PHF20: variants seen among roughly 807,000 people sequenced by gnomAD.
PHF20 encodes the protein glioma-expressed antigen 2.
PHF20 carries 23 observed loss-of-function variants against 113.5 expected under a neutral mutation model. That is an observed-to-expected ratio of 0.20 (90% CI 0.15 to 0.29). PHF20 has a LOEUF of 0.29. Ranked by LOEUF, PHF20 falls within the 10% of genes least tolerant of loss-of-function variation. PHF20 has a pLI of 1.00. For synonymous variants in PHF20, 434 were observed against 457.3 expected (o/e 0.95, Z 0.65); for missense variants, 943 against 1,219.6 (o/e 0.77, Z 3.38).
At chr20:35,891,189 G>A (rs937397178) in intron 9 of PHF20, among the ~76,000 whole-genome samples, 41 of 152,154 alleles carry the variant, frequency 2.7e-4, no homozygotes, top group Admixed American at 2.4e-3. Context: ...CCAGCCTGTC[G>A]TAAATGACGA....
At chr20:35,936,522 TCAG>T (rs2055867888) in intron 15 of PHF20, among the ~76,000 whole-genome samples, 1 of 152,228 alleles carries the variant, frequency 6.6e-6, no homozygotes, top group East Asian at 1.9e-4. Flanking sequence ...GGCACAGCTT[TCAG>T]TAGATGCTCA....
intron 4 of PHF20, among the ~76,000 whole-genome samples, chr20:35,852,887 G>A (rs554802130): frequency 2.9e-4 from 44 of 150,632 alleles, no homozygotes; most frequent in Admixed American, 2.5e-3. Context: ...GTGAGCCACC[G>A]TGCCCGACCT....
intron 17 of PHF20, among the ~76,000 whole-genome samples, chr20:35,943,937 T>C (rs1377438768): frequency 2.0e-5 from 3 of 150,474 alleles, no homozygotes; most frequent in African/African-American, 4.9e-5. Context: ...ACTTTAAAAC[T>C]AAAAGACAAA....
chr20:35,896,807 A>G (rs1268665942), intron 9 of PHF20, among the ~76,000 whole-genome samples: 1 of 151,756 alleles, frequency 6.6e-6, no homozygotes, highest in East Asian at 1.9e-4. Flanking sequence ...CTCAAAAAAA[A>G]AAAAAAAAAA....
At chr20:35,774,318 G>A (rs1014723540) in intron 1 of PHF20, among the ~76,000 whole-genome samples, 4 of 151,898 alleles carry the variant, frequency 2.6e-5, no homozygotes, top group African/African-American at 9.7e-5. Context: ...TGATCCACCC[G>A]CCTCCGCCTC....
At chr20:35,790,133 A>G (rs945536266) in intron 1 of PHF20, among the ~76,000 whole-genome samples, 2 of 151,804 alleles carry the variant, frequency 1.3e-5, no homozygotes, top group South Asian at 2.1e-4. Context: ...CTAGAATTAC[A>G]TGCATGAGCC....
At chr20:35,807,688 TG>T (rs2041909568) in intron 2 of PHF20, among the ~76,000 whole-genome samples, 2 of 152,194 alleles carry the variant, frequency 1.3e-5, no homozygotes, top group African/African-American at 4.8e-5. Flanking sequence ...CTTTGGTTAT[TG>T]CTGGCATGAA....
At chr20:35,816,699 G>A (rs909510278) in intron 2 of PHF20, among the ~76,000 whole-genome samples, 11 of 151,140 alleles carry the variant, frequency 7.3e-5, no homozygotes, top group African/African-American at 1.2e-4. Context: ...TGATTCGCCC[G>A]CCTCAGCCTC....
chr20:35,946,997 C>T (rs1040132309), intron 17 of PHF20, among the ~76,000 whole-genome samples: 15 of 152,172 alleles, frequency 9.9e-5, no homozygotes, highest in Admixed American at 4.6e-4. Flanking sequence ...CATGTGCCAC[C>T]GCGCCCGGCT....
chr20:35,827,707 C>T (rs548763226), intron 2 of PHF20, among the ~76,000 whole-genome samples: 43 of 149,306 alleles, frequency 2.9e-4, no homozygotes, highest in African/African-American at 9.6e-4. Flanking sequence ...GGTGTGAACC[C>T]GGGAGGCGGA....
In PHF20 at chr20:35,846,571, G is replaced by C. The variant is rs2042628384; in HGVS notation, c.256-779G>C. Among the ~76,000 whole-genome samples, 3 of 150,708 alleles carry C rather than the reference G, an allele frequency of 2.0e-5. No homozygotes were observed. In the South Asian group the frequency reaches 6.3e-4, roughly 32 times the overall value. On this transcript the variant is annotated intron_variant, in intron 3 of 17. Coordinates refer to ENST00000374012, the MANE Select transcript of PHF20 (RefSeq NM_016436.5). ...AAAAGACCCTTTAGAAGTGTAGATG[G>C]CATTAAATGCTGCTTCCCTGAGTAT...
chr20:35,772,522 T>C (rs2041082274), intron 1 of PHF20, among the ~76,000 whole-genome samples: 1 of 152,238 alleles, frequency 6.6e-6, no homozygotes, highest in Admixed American at 6.5e-5. Context: ...TTTATCCTAT[T>C]CTGGGGAGCA....
At chr20:35,935,434 G>A (rs564456401) in intron 15 of PHF20, among the ~76,000 whole-genome samples, 3 of 152,170 alleles carry the variant, frequency 2.0e-5, no homozygotes, top group Admixed American at 1.3e-4. Flanking sequence ...TGGTATGATC[G>A]CGGCTCACTA....
At chr20:35,873,071 T>A (rs887667544) in intron 9 of PHF20, among the ~76,000 whole-genome samples, 1 of 152,122 alleles carries the variant, frequency 6.6e-6, no homozygotes, top group African/African-American at 2.4e-5. Flanking sequence ...GCTTTGTGTA[T>A]TTTGAAGATC....
intron 2 of PHF20, among the ~76,000 whole-genome samples, chr20:35,841,372 C>T (rs573619507): frequency 8.2e-4 from 124 of 151,620 alleles, no homozygotes; most frequent in Admixed American, 1.1e-3. Flanking sequence ...CAAAATAAAA[C>T]GAAACAATAG....
At chr20:35,885,689 T>A (rs1288765952) in intron 9 of PHF20, among the ~76,000 whole-genome samples, 2 of 151,976 alleles carry the variant, frequency 1.3e-5, no homozygotes, top group African/African-American at 4.8e-5. Flanking sequence ...AGGAAGCACA[T>A]GAAAACCTGT....
At position 35,825,965 on chromosome 20, in the gene PHF20, A is replaced by G. The variant is rs148400754; in HGVS notation, c.84-16608A>G. ...AATCAAGATATGGACCATTATGGGC[A>G]CTCCGGAAGCTTTTTTGTCCCTCTC... is the stretch of plus-strand genomic sequence containing the variant. On this transcript the variant is annotated intron_variant, in intron 2 of 17. Transcript: ENST00000374012. 2.4e-4 allele frequency among the ~76,000 whole-genome samples: 36 copies of G among 152,182 alleles called. 2 individuals are homozygous for G. In the East Asian group the frequency reaches 6.9e-3, roughly 29 times the overall value.
intron 9 of PHF20, among the ~76,000 whole-genome samples, chr20:35,884,911 A>G (rs1481359676): frequency 6.6e-6 from 1 of 152,002 alleles, no homozygotes; most frequent in Non-Finnish European, 1.5e-5. Context: ...GCTCACTGCA[A>G]CCTCCACCTC....
In PHF20 at chr20:35,914,334, C is replaced by T. The variant is rs368365212; in HGVS notation, c.1825+137C>T. 2.1e-4 allele frequency: 185 copies of T among 870,786 alleles called. No individual in the cohort carries two copies. In the African/African-American group the frequency reaches 2.5e-3, roughly 12 times the overall value. The allele number at this position is 870,786 out of a possible 1,614,324, so 53.9% of individuals were successfully genotyped here. A position where few individuals can be genotyped will look rare whatever the true frequency, so the allele number is the denominator to read the frequency against. On this transcript the variant is annotated intron_variant, in intron 12 of 17. Transcript: ENST00000374012. Reference sequence around the variant, plus strand: ...GCTAGTCAGACATAATTTTTATTTTCCCAGTGTTTACAAAACTTATGTTTA... The same window carrying T: ...GCTAGTCAGACATAATTTTTATTTTTCCAGTGTTTACAAAACTTATGTTTA...
Sources: allele counts gnomAD v4.1 joint callset (sites outside exome capture counted in the v4.1 genomes callset), GRCh38; gene constraint gnomAD v4.1.1; transcripts MANE v1.5; gene names NCBI Gene and HGNC (gene_info 2026-07-23, HGNC 2026-07-21).